Variants in FBXO8 observed in about 807,000 individuals in gnomAD.
FBXO8 encodes F-box only protein 8.
Under a neutral mutation model 33.4 loss-of-function variants are expected in FBXO8, and 15 were observed. The ratio of observed to expected loss-of-function variants is 0.45; its 90% CI spans 0.30 to 0.69. The LOEUF (loss-of-function observed/expected upper bound fraction) is 0.69, where lower values mean the gene tolerates loss of function less well. FBXO8 is among the 30% of genes least tolerant of loss of function. The probability of loss-of-function intolerance (pLI) is 0.08; values close to 1 mark genes in which losing one functional copy is unlikely to be tolerated. For synonymous variants in FBXO8, 132 were observed against 131.5 expected (o/e 1.00, Z -0.02); for missense variants, 274 against 380.3 (o/e 0.72, Z 2.32).
intron 1 of FBXO8, among the ~76,000 whole-genome samples, chr4:174,279,595 A>G (rs529848030): frequency 6.6e-6 from 1 of 152,272 alleles, no homozygotes; most frequent in South Asian, 2.1e-4. Flanking sequence ...TCTGATTTCA[A>G]AACTTATTAC....
rs1259666167 is a variant in FBXO8, at chr4:174,252,454, C to A, written c.456+7245G>T. On this transcript the variant is annotated intron_variant, in intron 3 of 5. Coordinates refer to ENST00000393674, the MANE Select transcript of FBXO8 (RefSeq NM_012180.3). The surrounding 1 kb of genome is among the most constrained non-coding windows in gnomAD (Gnocchi z 5.1). ...AATTACCTTGTATAACAAGAAGTTCCAAACTAATATGGCTCCAGGTTGTTG... is the reference window on the plus strand; with the variant it reads ...AATTACCTTGTATAACAAGAAGTTCAAAACTAATATGGCTCCAGGTTGTTG... 1.3e-5 allele frequency among the ~76,000 whole-genome samples: 2 copies of A among 152,098 alleles called. No homozygotes were observed. Among genetic ancestry groups the A allele is most frequent in the East Asian group, 1.9e-4 (1 of 5,198 alleles).
rs866140164 is a variant in FBXO8, at chr4:174,252,746, T to A, written c.456+6953A>T. Among the ~76,000 whole-genome samples the A allele has an allele frequency of 9.5e-3, 1,447 of 152,086 alleles. 24 individuals carry two copies. The highest frequency in any genetic ancestry group is 0.033 in the African/African-American group (1,374 of 41,476). On this transcript the variant is annotated intron_variant, in intron 3 of 5. Transcript: ENST00000393674. This position sits in a 1 kb window ranked among gnomAD's most constrained non-coding sequence, Gnocchi z 5.1. ...AAATAGGCTAGGTATGATGACTCATTCCTGTAATTCCAGCACTTTGGGAGG... is the reference window on the plus strand; with the variant it reads ...AAATAGGCTAGGTATGATGACTCATACCTGTAATTCCAGCACTTTGGGAGG...
chr4:174,240,784 A>G (rs1736017537), intron 4 of FBXO8, among the ~76,000 whole-genome samples: 1 of 151,734 alleles, frequency 6.6e-6, no homozygotes, highest in Non-Finnish European at 1.5e-5. Flanking sequence ...AAACACTTAG[A>G]TTATGGCTAC....
In FBXO8 at chr4:174,262,948, C is replaced by G; in HGVS notation, c.145G>C (p.Gly49Arg). The change falls in exon 2 of 6, where the codon GGA becomes CGA. Residue 49 changes from glycine (G) to arginine (R), a missense_variant. This residue lies in a region of FBXO8 where 88 missense variants were observed against 86.9 expected (regional missense o/e 1.01). Transcript: ENST00000393674. This position sits in a 1 kb window ranked among gnomAD's most constrained non-coding sequence, Gnocchi z 4.6. ...SNTNHRKQVQ[G>R]GIDIYHLLKA... is the part of the protein sequence containing the mutation. Reference sequence around the variant, plus strand: ...AAAAGATGATATATGTCAATGCCTCCTTGGACTTGTTTACGATGATTGGTG... The same window carrying G: ...AAAAGATGATATATGTCAATGCCTCGTTGGACTTGTTTACGATGATTGGTG... 6.2e-7 allele frequency: 1 copy of G among 1,614,002 alleles called. No homozygotes were observed. Among genetic ancestry groups the G allele is most frequent in the South Asian group, 1.1e-5 (1 of 91,092 alleles).
At chr4:174,246,054 G>A (rs1736150926) in intron 3 of FBXO8, among the ~76,000 whole-genome samples, 1 of 151,910 alleles carries the variant, frequency 6.6e-6, no homozygotes, top group African/African-American at 2.4e-5. Context: ...TTAAAAGTGA[G>A]GGTTGAAGAT....
chr4:174,239,738 G>A lies in FBXO8; in HGVS notation c.576-548C>T, dbSNP rs1735983396. Among the ~76,000 whole-genome samples the A allele has an allele frequency of 2.6e-5, 4 of 151,564 alleles. No homozygotes were observed. The South Asian group carries it at 8.3e-4, about 32-fold the overall frequency. On this transcript the variant is annotated intron_variant, in intron 4 of 5. Transcript: ENST00000393674. ...TAGATCCACCTAATTTATTTTTAAT[G>A]GCACAGTATCCTGTCTAATGGATGC...
Position 174,265,590 on chromosome 4 carries a change from T to A in FBXO8, c.-8-2490A>T, listed in dbSNP as rs1025581540. 6.6e-6 allele frequency among the ~76,000 whole-genome samples: 1 copy of A among 152,058 alleles called. No homozygotes were observed. The highest frequency in any genetic ancestry group is 2.4e-5 in the African/African-American group (1 of 41,424). The stretch of plus-strand genomic sequence containing the variant: ...TTAAGTGCCTATTATTAATGTTAAG[T>A]AAAAGAAGCAAATCTAAAAAAGTTC... On this transcript the variant is annotated intron_variant, in intron 1 of 5. Coordinates refer to ENST00000393674, the MANE Select transcript of FBXO8 (RefSeq NM_012180.3). This position sits in a 1 kb window ranked among gnomAD's most constrained non-coding sequence, Gnocchi z 4.7.
At chr4:174,250,113 A>T (rs2126422865) in intron 3 of FBXO8, among the ~76,000 whole-genome samples, 1 of 152,134 alleles carries the variant, frequency 6.6e-6, no homozygotes, top group South Asian at 2.1e-4. Context: ...TATTTCATTT[A>T]ATCTTCACAA....
At position 174,274,228 on chromosome 4, in the gene FBXO8, A is replaced by C. The variant is rs901122630; in HGVS notation, c.-9+9182T>G. Reference sequence around the variant, plus strand: ...TTGATGTGAAGAAAGATCAGCATCAAACCCCAACACGGAATCTGATTAGCC... The same window carrying C: ...TTGATGTGAAGAAAGATCAGCATCACACCCCAACACGGAATCTGATTAGCC... On this transcript the variant is annotated intron_variant, in intron 1 of 5. Transcript: ENST00000393674. The surrounding 1 kb of genome is among the most constrained non-coding windows in gnomAD (Gnocchi z 4.0). Among the ~76,000 whole-genome samples the C allele has an allele frequency of 6.6e-6, 1 of 150,800 alleles. No individual in the cohort carries two copies. The highest frequency in any genetic ancestry group is 1.5e-5 in the Non-Finnish European group (1 of 67,122).
rs1736807881 is a variant in FBXO8, at chr4:174,270,295, T to C, written c.-8-7195A>G. Among the ~76,000 whole-genome samples, 1 of 152,168 alleles carries C rather than the reference T, an allele frequency of 6.6e-6. No individual in the cohort carries two copies. Among genetic ancestry groups the C allele is most frequent in the Admixed American group, 6.5e-5 (1 of 15,274 alleles). ...TCCTATGCTGCTGTGGCACAGTAGC[T>C]GGGAAGACGTAAATGGAAAGTAACA... On this transcript the variant is annotated intron_variant, in intron 1 of 5. Coordinates refer to ENST00000393674, the MANE Select transcript of FBXO8 (RefSeq NM_012180.3). This position sits in a 1 kb window ranked among gnomAD's most constrained non-coding sequence, Gnocchi z 4.6.
intron 1 of FBXO8, chr4:174,269,301 C>T (rs1736775145): frequency 6.6e-6 from 1 of 151,074 alleles, no homozygotes; most frequent in Non-Finnish European, 1.5e-5. Context: ...TGAAACTCTT[C>T]CTTTCCAAGG....
At position 174,262,902 on chromosome 4, in the gene FBXO8, T is replaced by C; in HGVS notation, c.191A>G (p.Glu64Gly). 6.2e-7 allele frequency: 1 copy of C among 1,614,082 alleles called. No individual in the cohort carries two copies. Among genetic ancestry groups the C allele is most frequent in the East Asian group, 2.2e-5 (1 of 44,874 alleles). Residue 64 changes from glutamate (E) to glycine (G), a missense_variant, in exon 2 of 6, where the codon GAA becomes GGA. Physicochemically the swap from Glu to Gly is moderately conservative, Grantham distance 98 (BLOSUM62 -2). Coordinates refer to ENST00000393674, the MANE Select transcript of FBXO8 (RefSeq NM_012180.3). This position sits in a 1 kb window ranked among gnomAD's most constrained non-coding sequence, Gnocchi z 4.6. ...YHLLKARKSK[E>G]QEGFINLEML... ...TTCCAAATTAATGAATCCTTCCTGT[T>C]CTTTCGATTTCCTTGCCTTCAAAAG... is the stretch of plus-strand genomic sequence containing the variant.
At chr4:174,238,746 T>C (rs1735950252) in intron 5 of FBXO8, among the ~76,000 whole-genome samples, 1 of 138,872 alleles carries the variant, frequency 7.2e-6, no homozygotes, top group Non-Finnish European at 1.6e-5. Context: ...AATGGCTATA[T>C]ATACATAGCC....
chr4:174,267,876 A>C lies in FBXO8; in HGVS notation c.-8-4776T>G, dbSNP rs906569. ...AATCACTGAATATGCAAAAAGTTTCAAATTCAAAAAAAATTCAACACAAAA... is the reference window on the plus strand; with the variant it reads ...AATCACTGAATATGCAAAAAGTTTCCAATTCAAAAAAAATTCAACACAAAA... On this transcript the variant is annotated intron_variant, in intron 1 of 5. Transcript: ENST00000393674. The surrounding 1 kb of genome is among the most constrained non-coding windows in gnomAD (Gnocchi z 4.7). Among the ~76,000 whole-genome samples the C allele has an allele frequency of 0.18, 27,499 of 152,170 alleles. 3,005 individuals carry two copies. Among genetic ancestry groups the C allele is most frequent in the East Asian group, 0.59 (3,034 of 5,180 alleles).
At chr4:174,268,773 C>T (rs1269681667) in intron 1 of FBXO8, among the ~76,000 whole-genome samples, 1 of 152,146 alleles carries the variant, frequency 6.6e-6, no homozygotes, top group Non-Finnish European at 1.5e-5. Context: ...CAAGAAAAAG[C>T]ATGTGGGAAA....
At chr4:174,242,687 T>TA (rs1341696910) in intron 3 of FBXO8, among the ~76,000 whole-genome samples, 1 of 151,546 alleles carries the variant, frequency 6.6e-6, no homozygotes, top group Admixed American at 6.6e-5. Flanking sequence ...AAAGCCAAAA[T>TA]ACTTCTTTGG....
Position 174,283,423 on chromosome 4 carries a change from GA to G in FBXO8, c.-23del, listed in dbSNP as rs1441619877. Reference sequence around the variant, plus strand: ...TGACTCCTGTACCTGAGCGACCTGCGATCTCCACCGCCGCCGCGACGAATTG... The same window carrying G: ...TGACTCCTGTACCTGAGCGACCTGCGTCTCCACCGCCGCCGCGACGAATTG... On this transcript the variant is annotated 5_prime_UTR_variant, in exon 1 of 6. Transcript: ENST00000393674. The surrounding 1 kb of genome is among the most constrained non-coding windows in gnomAD (Gnocchi z 6.7). 1 of 154,528 alleles carries G rather than the reference GA, an allele frequency of 6.5e-6. No individual in the cohort carries two copies. Among genetic ancestry groups the G allele is most frequent in the African/African-American group, 2.4e-5 (1 of 41,554 alleles). The allele number at this position is 154,528 out of a possible 1,614,324, so 9.6% of individuals were successfully genotyped here. A position where few individuals can be genotyped will look rare whatever the true frequency, so the allele number is the denominator to read the frequency against.
rs915739605 is a variant in FBXO8, at chr4:174,275,822, A to T, written c.-9+7588T>A. On this transcript the variant is annotated intron_variant, in intron 1 of 5. Coordinates refer to ENST00000393674, the MANE Select transcript of FBXO8 (RefSeq NM_012180.3). The surrounding 1 kb of genome is among the most constrained non-coding windows in gnomAD (Gnocchi z 4.4). ...ATTTGAATACATATGGATCAAAAGA[A>T]GATGGAATTAAGGAATACAAATCCT... is the stretch of plus-strand genomic sequence containing the variant. Among the ~76,000 whole-genome samples, 1 of 152,218 alleles carries T rather than the reference A, an allele frequency of 6.6e-6. No homozygotes were observed. Among genetic ancestry groups the T allele is most frequent in the Non-Finnish European group, 1.5e-5 (1 of 68,024 alleles).
At chr4:174,268,550 ACT>A (rs1160260927) in intron 1 of FBXO8, among the ~76,000 whole-genome samples, 2 of 151,804 alleles carry the variant, frequency 1.3e-5, no homozygotes, top group Non-Finnish European at 2.9e-5. Flanking sequence ...CATTCTCCTG[ACT>A]CAGCCTCCAG....
Sources: allele counts gnomAD v4.1 joint callset (sites outside exome capture counted in the v4.1 genomes callset), GRCh38; gene constraint gnomAD v4.1.1; regional missense constraint gnomAD v4.1.1; non-coding constraint Gnocchi (gnomAD v3.1); transcripts MANE v1.5; gene names NCBI Gene and HGNC (gene_info 2026-07-23, HGNC 2026-07-21).